The following MED13 variants were observed in gnomAD, a reference collection of about 807,000 sequenced individuals.
MED13 encodes the protein mediator complex subunit 13.
A neutral mutation model predicts 225.2 loss-of-function variants in MED13; 23 were observed. The ratio of observed to expected loss-of-function variants is 0.10; its 90% confidence interval spans 0.07 to 0.14. The LOEUF (loss-of-function observed/expected upper bound fraction) is 0.14. Among genes scored for constraint, MED13 ranks in the 10% least tolerant of loss-of-function variants. The pLI is 1.00. For missense variants in MED13, 2,197 were observed against 2,594.5 expected (o/e 0.85, Z 3.33); for synonymous variants, 942 against 889.2 (o/e 1.06, Z -1.06).
rs1254765060 is a variant in MED13 at position 61,982,947 on chromosome 17, C to T, written c.3056G>A (p.Arg1019Gln). The T allele has an allele frequency of 1.2e-6, 2 of 1,613,878 alleles. No homozygotes were observed. The highest frequency in any genetic ancestry group is 1.3e-5 in the African/African-American group (1 of 74,860). ...FPTPRTPRTPRTPRGAGGPAS... is the reference protein window; with the variant it reads ...FPTPRTPRTPQTPRGAGGPAS... ...AGGTCCACCAGCTCCACGAGGAGTC[C>T]GAGGAGTCCTTGGAGTCCTTGGAGT... The change falls in exon 16 of 30, where the codon CGG becomes CAG. Residue 1019 changes from arginine to glutamine, a missense_variant. Coordinates refer to ENST00000397786, the MANE Select transcript of MED13 (RefSeq NM_005121.3).
intron 3 of MED13, among the ~76,000 whole-genome samples, chr17:62,047,781 G>A (rs1007976187): frequency 2.0e-5 from 3 of 151,358 alleles, no homozygotes; most frequent in Middle Eastern, 3.4e-3. Context: ...AGAGAGAGAC[G>A]GGGGTCTAGC....
At chr17:62,031,851 A>G (rs2080760487) in intron 5 of MED13, among the ~76,000 whole-genome samples, 1 of 150,856 alleles carries the variant, frequency 6.6e-6, no homozygotes, top group African/African-American at 2.4e-5. Flanking sequence ...ATAAGCTGTC[A>G]GTGGTGGTTA....
chr17:62,042,729 T>C (rs140166125), intron 3 of MED13, among the ~76,000 whole-genome samples: 146 of 152,256 alleles, frequency 9.6e-4, no homozygotes, highest in African/African-American at 3.3e-3. Flanking sequence ...GTAGGAGACA[T>C]ATCGGTCTAT....
At chr17:62,062,752 AG>A (rs2081051257) in intron 2 of MED13, among the ~76,000 whole-genome samples, 1 of 152,212 alleles carries the variant, frequency 6.6e-6, no homozygotes, top group African/African-American at 2.4e-5. Context: ...CGACTTTGTT[AG>A]GAACTCTGTT....
intron 27 of MED13, among the ~76,000 whole-genome samples, chr17:61,952,052 A>T (rs2079901492): frequency 6.6e-6 from 1 of 151,790 alleles, no homozygotes; most frequent in Non-Finnish European, 1.5e-5. Context: ...CGCCTGCCAC[A>T]CCTGGCTAAG....
Position 61,946,927 on chromosome 17 carries a change from C to G in MED13, c.6382G>C (p.Asp2128His). 1 of 1,611,904 alleles carries G rather than the reference C, an allele frequency of 6.2e-7. No individual in the cohort carries two copies. The highest frequency in any genetic ancestry group is 1.7e-4 in the Middle Eastern group (1 of 6,058). Reference sequence around the variant, plus strand: ...GTAAAAGAGTTGTACCTGAGGACATCTGAAGTCTGATTTGAGTCAAGTGGG... The same window carrying G: ...GTAAAAGAGTTGTACCTGAGGACATGTGAAGTCTGATTTGAGTCAAGTGGG... ...SHPLDSNQTSDVLRFVLEQYN... is the reference protein window; with the variant it reads ...SHPLDSNQTSHVLRFVLEQYN... Residue 2128 changes from aspartate to histidine, a missense_variant, in exon 29 of 30, where the codon GAT becomes CAT. Around this residue, in one of 12 missense-constraint regions of MED13, gnomAD observed 216 missense variants for 388.9 expected, o/e 0.56. Coordinates refer to ENST00000397786, the MANE Select transcript of MED13 (RefSeq NM_005121.3).
intron 9 of MED13, among the ~76,000 whole-genome samples, chr17:62,009,274 C>T (rs1412018669): frequency 2.0e-5 from 3 of 151,960 alleles, no homozygotes; most frequent in African/African-American, 7.3e-5. Flanking sequence ...CTTCTTCTGC[C>T]CAAAGTATAA....
chr17:62,050,187 G>A (rs1277016236), intron 3 of MED13, among the ~76,000 whole-genome samples: 2 of 151,696 alleles, frequency 1.3e-5, no homozygotes, highest in East Asian at 3.9e-4. Context: ...GGCGAAACCT[G>A]TCTCTACTAA....
intron 11 of MED13, among the ~76,000 whole-genome samples, chr17:61,991,836 G>C (rs1238958624): frequency 6.6e-6 from 1 of 152,036 alleles, no homozygotes; most frequent in Non-Finnish European, 1.5e-5. Flanking sequence ...AGTAGGGATG[G>C]TGTTTCACCA....
At chr17:62,039,277 G>T (rs1481617445) in intron 3 of MED13, among the ~76,000 whole-genome samples, 3 of 152,092 alleles carry the variant, frequency 2.0e-5, no homozygotes. Context: ...TGATACTGGA[G>T]GGAAACAATA....
At chr17:62,032,640 C>T (rs2080767743) in intron 5 of MED13, among the ~76,000 whole-genome samples, 2 of 152,098 alleles carry the variant, frequency 1.3e-5, no homozygotes, top group Admixed American at 6.5e-5. Flanking sequence ...GAGTATATGT[C>T]TTCACTCCAT....
At chr17:61,998,030 G>C (rs1157740552) in intron 9 of MED13, among the ~76,000 whole-genome samples, 2 of 152,052 alleles carry the variant, frequency 1.3e-5, no homozygotes, top group African/African-American at 4.8e-5. Flanking sequence ...TCAATTTCAA[G>C]AGTATCAAGA....
At chr17:61,958,178 AT>A (rs947716918) in intron 23 of MED13, among the ~76,000 whole-genome samples, 2 of 146,844 alleles carry the variant, frequency 1.4e-5, no homozygotes, top group Non-Finnish European at 3.0e-5. Flanking sequence ...ATTACTTATT[AT>A]TTTTTTGACA....
intron 3 of MED13, among the ~76,000 whole-genome samples, chr17:62,042,659 A>G (rs913432820): frequency 2.7e-5 from 4 of 150,262 alleles, no homozygotes; most frequent in Non-Finnish European, 1.5e-5. Flanking sequence ...GCTGCTTTTT[A>G]TTGTTGTTTT....
intron 10 of MED13, among the ~76,000 whole-genome samples, chr17:61,993,202 T>TC (rs2080316990): frequency 1.4e-5 from 2 of 138,916 alleles, no homozygotes; most frequent in African/African-American, 5.5e-5. Flanking sequence ...CTTTCTTTCT[T>TC]TTTTTTTTTT....
At chr17:61,946,896 T>C in intron 29 of MED13, 21 bp downstream of exon 29, 1 of 1,567,552 alleles carries the variant, frequency 6.4e-7, no homozygotes, top group Non-Finnish European at 8.8e-7. Context: ...TGACAAACTG[T>C]TAATGGTAAA....
rs201924401 is a variant in MED13, at chr17:61,968,207, T to C, written c.4019A>G (p.Tyr1340Cys). 275 of 1,614,002 alleles carry C rather than the reference T, an allele frequency of 1.7e-4. No homozygotes were observed. The highest frequency in any genetic ancestry group is 2.1e-4 in the Non-Finnish European group (253 of 1,180,000). ...PLPIPTFLLG[Y>C]DYDYLVLSPF... Reference sequence around the variant, plus strand: ...AGAAAGCACCAGATAATCATAATCATAACCCAACAAAAATGTGGGGATTGG... The same window carrying C: ...AGAAAGCACCAGATAATCATAATCACAACCCAACAAAAATGTGGGGATTGG... The change falls in exon 18 of 30, where the codon TAT becomes TGT. Residue 1340 changes from tyrosine (Y) to cysteine (C), a missense_variant. Physicochemically the swap from Tyr to Cys is radical, Grantham distance 194. Coordinates refer to ENST00000397786, the MANE Select transcript of MED13 (RefSeq NM_005121.3).
rs763530769 is a variant in MED13 at position 61,966,665 on chromosome 17, T to C, written c.4192-14A>G. 4.6e-6 allele frequency: 7 copies of C among 1,528,362 alleles called. No homozygotes were observed. The highest frequency in any genetic ancestry group is 2.5e-5 in the South Asian group (2 of 79,576). 94.7% of individuals were successfully genotyped at this position (1,528,362 alleles called of 1,614,324 possible). A position where few individuals can be genotyped will look rare whatever the true frequency, so the allele number is the denominator to read the frequency against. ...TAATCGACAGGACTACAAATATACA[T>C]ACAGAAAGCAGAATTAGTAAATTTA... On this transcript the variant is annotated splice_polypyrimidine_tract_variant and intron_variant, in intron 18 of 29. Transcript: ENST00000397786.
At chr17:61,960,832 G>A in intron 23 of MED13, 35 bp downstream of exon 23, 1 of 1,392,812 alleles carries the variant, frequency 7.2e-7, no homozygotes. Flanking sequence ...TGTTACAAAT[G>A]GAATGATATG....
Sources: gnomAD v4.1 joint callset for allele counts (sites outside exome capture counted in the v4.1 genomes callset) on GRCh38, gnomAD v4.1.1 for gene constraint, gnomAD v4.1.1 regional missense constraint, MANE v1.5 for transcripts, NCBI Gene and HGNC (gene_info 2026-07-23, HGNC 2026-07-21) for gene names.